Variants in TNFSF4 observed in about 807,000 individuals in gnomAD.
TNFSF4 encodes the protein TNF superfamily member 4, also known as tumor necrosis factor ligand superfamily member 4.
In TNFSF4, 4 loss-of-function variants were observed where a neutral mutation model predicts 7.3. That is an observed-to-expected ratio of 0.55 (90% CI 0.27 to 1.25). The LOEUF (loss-of-function observed/expected upper bound fraction) is 1.25, where lower values mean the gene tolerates loss of function less well. Ranked by LOEUF, TNFSF4 falls within the 50% of genes most tolerant of loss-of-function variation. TNFSF4 has a pLI of 0.12. For synonymous variants in TNFSF4, 76 were observed against 83.7 expected (o/e 0.91, Z 0.50); for missense variants, 181 against 208.8 (o/e 0.87, Z 0.82).
the TNFSF4 span, among the ~76,000 whole-genome samples, chr1:173,443,654 G>A: frequency 5.9e-5 from 9 of 152,052 alleles, no homozygotes; most frequent in East Asian, 3.8e-4. Flanking sequence ...TCTCTCCCCC[G>A]TAAAGTCACC....
chr1:173,407,252 T>C, the TNFSF4 span, among the ~76,000 whole-genome samples: 2 of 152,030 alleles, frequency 1.3e-5, no homozygotes, highest in Admixed American at 6.6e-5. Context: ...TAGATCAAGG[T>C]AACCAGCTTC....
At chr1:173,239,767 A>C in the TNFSF4 span, among the ~76,000 whole-genome samples, 3 of 152,158 alleles carry the variant, frequency 2.0e-5, no homozygotes, top group Admixed American at 2.0e-4. Context: ...ACAGTGGCTC[A>C]CACCTATAAT....
At chr1:173,282,955 C>A in the TNFSF4 span, among the ~76,000 whole-genome samples, 19 of 152,288 alleles carry the variant, frequency 1.2e-4, no homozygotes, top group Admixed American at 2.0e-4. Flanking sequence ...AAAAGAAGCT[C>A]ATTTAGAAAA....
At chr1:173,427,191 T>C in the TNFSF4 span, among the ~76,000 whole-genome samples, 3 of 152,236 alleles carry the variant, frequency 2.0e-5, no homozygotes, top group Non-Finnish European at 4.4e-5. Flanking sequence ...GGATTAGCAC[T>C]TGAAACGTTA....
chr1:173,352,606 A>G, the TNFSF4 span, among the ~76,000 whole-genome samples: 1 of 152,214 alleles, frequency 6.6e-6, no homozygotes, highest in Non-Finnish European at 1.5e-5. Context: ...GGGCAATAAA[A>G]GATCACAAGG....
At chr1:173,199,021 A>G (rs1270922759) in intron 1 of TNFSF4, among the ~76,000 whole-genome samples, 1 of 152,174 alleles carries the variant, frequency 6.6e-6, no homozygotes, top group Non-Finnish European at 1.5e-5. Flanking sequence ...TATAATCCCA[A>G]TCAAGATACT....
intron 1 of TNFSF4, among the ~76,000 whole-genome samples, chr1:173,192,314 A>G (rs1649522488): frequency 6.6e-6 from 1 of 152,256 alleles, no homozygotes; most frequent in Non-Finnish European, 1.5e-5. Context: ...GGAAGCAGCC[A>G]AAACGTCCTT....
chr1:173,439,333 T>A, the TNFSF4 span, among the ~76,000 whole-genome samples: 1 of 152,208 alleles, frequency 6.6e-6, no homozygotes, highest in Non-Finnish European at 1.5e-5. Flanking sequence ...TTACTACCTA[T>A]AATGGTCAAT....
the TNFSF4 span, among the ~76,000 whole-genome samples, chr1:173,265,769 C>G: frequency 6.6e-6 from 1 of 152,232 alleles, no homozygotes; most frequent in Admixed American, 6.5e-5. Context: ...ATATTCTTTC[C>G]CACTAAATTT....
At position 173,184,371 on chromosome 1, in the gene TNFSF4, G is replaced by A. The variant is rs1209469540; in HGVS notation, c.*2145C>T. 1 of 152,160 alleles carries A rather than the reference G, an allele frequency of 6.6e-6. No individual in the cohort carries two copies. Among genetic ancestry groups the A allele is most frequent in the East Asian group, 1.9e-4 (1 of 5,176 alleles). The allele number at this position is 152,160 out of a possible 1,614,324, so 9.4% of individuals were successfully genotyped here. On this transcript the variant is annotated 3_prime_UTR_variant, in exon 3 of 3. Coordinates refer to ENST00000281834, the MANE Select transcript of TNFSF4 (RefSeq NM_003326.5). ...TGAGACACACACACATATTTTTGAT[G>A]GAAGGAAGGTGGAGTGAGGCTGGTG...
At chr1:173,250,811 G>T in the TNFSF4 span, among the ~76,000 whole-genome samples, 1 of 152,166 alleles carries the variant, frequency 6.6e-6, no homozygotes, top group Non-Finnish European at 1.5e-5. Context: ...GGATTGAAGG[G>T]AGAGAAGTAG....
the TNFSF4 span, among the ~76,000 whole-genome samples, chr1:173,274,146 C>A: frequency 1.3e-5 from 2 of 151,904 alleles, no homozygotes; most frequent in Non-Finnish European, 2.9e-5. Context: ...CACACACACA[C>A]ACACACACTC....
At chr1:173,358,730 G>C in the TNFSF4 span, among the ~76,000 whole-genome samples, 1 of 152,206 alleles carries the variant, frequency 6.6e-6, no homozygotes, top group Admixed American at 6.5e-5. Context: ...CAATGAGACT[G>C]AATGATCTTT....
At chr1:173,223,448 G>A in the TNFSF4 span, among the ~76,000 whole-genome samples, 3,429 of 151,292 alleles carry the variant, frequency 0.023, 53 homozygotes, top group African/African-American at 0.047. Flanking sequence ...AAGTCCACCC[G>A]CCCCCCCAAA....
the TNFSF4 span, among the ~76,000 whole-genome samples, chr1:173,176,247 C>T: frequency 6.6e-6 from 1 of 151,916 alleles, no homozygotes; most frequent in Admixed American, 6.6e-5. Context: ...TAATTATTTC[C>T]ATGCTACCAG....
At chr1:173,415,697 T>G in the TNFSF4 span, among the ~76,000 whole-genome samples, 2 of 152,208 alleles carry the variant, frequency 1.3e-5, no homozygotes, top group Non-Finnish European at 2.9e-5. Flanking sequence ...ATGCATGAAA[T>G]GACAGTAACA....
chr1:173,364,654 C>T, the TNFSF4 span, among the ~76,000 whole-genome samples: 4 of 151,954 alleles, frequency 2.6e-5, no homozygotes, highest in Admixed American at 6.6e-5. Flanking sequence ...CAATCAGGAT[C>T]GCATTACAAT....
At chr1:173,379,006 C>T in the TNFSF4 span, among the ~76,000 whole-genome samples, 1 of 150,850 alleles carries the variant, frequency 6.6e-6, no homozygotes, top group Non-Finnish European at 1.5e-5. Context: ...CCTGGCGAAG[C>T]TTTCAGATGA....
the TNFSF4 span, among the ~76,000 whole-genome samples, chr1:173,382,041 T>C: frequency 2.6e-5 from 4 of 152,128 alleles, no homozygotes; most frequent in Admixed American, 6.5e-5. Flanking sequence ...GCAACCTGCT[T>C]GGGTCCCCTT....
Sources: allele counts gnomAD v4.1 joint callset (sites outside exome capture counted in the v4.1 genomes callset), GRCh38; gene constraint gnomAD v4.1.1; transcripts MANE v1.5; gene names NCBI Gene and HGNC (gene_info 2026-07-23, HGNC 2026-07-21).